UTRN: variants seen among roughly 807,000 people sequenced by gnomAD.
UTRN encodes dystrophin-related protein 1.
UTRN carries 283 observed loss-of-function variants against 463.9 expected under a neutral mutation model. That is an observed-to-expected ratio of 0.61 (90% CI 0.55 to 0.67). UTRN has a LOEUF of 0.67. Among genes scored for constraint, UTRN ranks in the 30% least tolerant of loss-of-function variants. The pLI is 0.00. For synonymous variants in UTRN, 1,442 were observed against 1,431.5 expected, an observed-to-expected ratio of 1.01 and a Z score of -0.17; for missense variants, 3,922 against 4,084.3, an observed-to-expected ratio of 0.96 and a Z score of 1.08.
chr6:144,697,948 C>T (rs1308907174), intron 52 of UTRN, among the ~76,000 whole-genome samples: 1 of 152,148 alleles, frequency 6.6e-6, no homozygotes, highest in African/African-American at 2.4e-5. Context: ...GTTGAAGATG[C>T]AGGATCAAAT....
chr6:144,412,762 T>TACACACACACACAC (rs149751810), intron 3 of UTRN, among the ~76,000 whole-genome samples: 13 of 144,272 alleles, frequency 9.0e-5, no homozygotes, highest in African/African-American at 3.4e-4. Flanking sequence ...ACACACACCA[T>TACACACACACACAC]ACACACACAC....
chr6:144,359,981 A>C, intron 2 of UTRN, among the ~76,000 whole-genome samples: 1 of 151,824 alleles, frequency 6.6e-6, no homozygotes, highest in East Asian at 1.9e-4. Context: ...CCTGTAACAG[A>C]AATGATTGCC....
chr6:144,659,931 G>A (rs549713029), intron 51 of UTRN: 1 of 260,434 alleles, frequency 3.8e-6, no homozygotes, highest in African/African-American at 2.2e-5. Context: ...ACTTCCCAGA[G>A]AAAGAGGAGA....
intron 2 of UTRN, among the ~76,000 whole-genome samples, chr6:144,376,541 C>T (rs1468760967): frequency 2.0e-5 from 3 of 152,094 alleles, no homozygotes; most frequent in Non-Finnish European, 2.9e-5. Context: ...AGCAATCCGC[C>T]CTCCTCGGCC....
At chr6:144,743,630 T>C (rs1790349518) in intron 54 of UTRN, among the ~76,000 whole-genome samples, 1 of 152,234 alleles carries the variant, frequency 6.6e-6, no homozygotes, top group African/African-American at 2.4e-5. Flanking sequence ...GCAGGACTGA[T>C]TCCAAATCCT....
chr6:144,640,836 A>G (rs1777689468), intron 51 of UTRN, among the ~76,000 whole-genome samples: 2 of 152,208 alleles, frequency 1.3e-5, no homozygotes, highest in Admixed American at 1.3e-4. Flanking sequence ...TAGTTGAAAT[A>G]GTTTTTAATG....
chr6:144,548,688 T>C lies in UTRN; in HGVS notation c.6644T>C (p.Ile2215Thr), dbSNP rs1798635803. The change falls in exon 47 of 75, where the codon ATT becomes ACT. Residue 2215 changes from isoleucine (I) to threonine (T), a missense_variant. Ile to Thr is a moderately conservative substitution (Grantham distance 89). Around this residue, in one of 3 missense-constraint regions of UTRN, gnomAD observed 2,349 missense variants for 2,303.8 expected, o/e 1.02. Coordinates refer to ENST00000367545, the MANE Select transcript of UTRN (RefSeq NM_007124.3). ...KVVLVSSASD[I>T]PVQSHRTSEI... ...GTGCTAGTATCATCTGCGTCAGATA[T>C]TCCTGTTCAGTCTCATCGTACTTCG... The C allele has an allele frequency of 6.2e-7, 1 of 1,614,094 alleles. No individual in the cohort carries two copies. Among genetic ancestry groups the C allele is most frequent in the African/African-American group, 1.3e-5 (1 of 75,066 alleles).
intron 13 of UTRN, among the ~76,000 whole-genome samples, chr6:144,441,194 A>G (rs1344127653): frequency 6.6e-6 from 1 of 152,210 alleles, no homozygotes; most frequent in Non-Finnish European, 1.5e-5. Context: ...GTCTTAACTC[A>G]TTTCAGCATT....
chr6:144,421,128 T>C lies in UTRN; in HGVS notation c.142-750T>C, dbSNP rs151049789. 7.0e-3 allele frequency among the ~76,000 whole-genome samples: 1,068 copies of C among 152,198 alleles called. 9 individuals are homozygous for C. Among genetic ancestry groups the C allele is most frequent in the African/African-American group, 0.024 (986 of 41,514 alleles). ...TTCAAGCAACTCTCCTGCCTCAGCC[T>C]CCCGAGTAGTTGGGATTGCAGGTGC... On this transcript the variant is annotated intron_variant, in intron 3 of 74. Transcript: ENST00000367545.
intron 51 of UTRN, among the ~76,000 whole-genome samples, chr6:144,598,138 A>G (rs1336250736): frequency 6.6e-6 from 1 of 152,226 alleles, no homozygotes; most frequent in African/African-American, 2.4e-5. Flanking sequence ...ATGAGTGACC[A>G]TGGCCCATGA....
At chr6:144,338,891 G>A (rs1776932678) in intron 2 of UTRN, among the ~76,000 whole-genome samples, 1 of 152,172 alleles carries the variant, frequency 6.6e-6, no homozygotes, top group Admixed American at 6.5e-5. Context: ...AACTCATTTG[G>A]TGTTGAAGCC....
At chr6:144,563,688 G>A (rs542592137) in intron 50 of UTRN, among the ~76,000 whole-genome samples, 88 of 152,122 alleles carry the variant, frequency 5.8e-4, no homozygotes, top group Non-Finnish European at 1.0e-3. Flanking sequence ...TTCTTTGCTA[G>A]GATTTGATTT....
intron 43 of UTRN, among the ~76,000 whole-genome samples, chr6:144,536,974 CT>C (rs1432652961): frequency 6.6e-6 from 1 of 151,806 alleles, no homozygotes; most frequent in East Asian, 1.9e-4. Context: ...TTTTCTATAT[CT>C]CTTTTTGTAA....
chr6:144,696,929 G>T (rs913077331), intron 52 of UTRN, among the ~76,000 whole-genome samples: 2 of 152,166 alleles, frequency 1.3e-5, no homozygotes, highest in South Asian at 4.1e-4. Context: ...GGAGGCTTTT[G>T]CTGATTTAAA....
chr6:144,695,921 A>G (rs1236020681), intron 52 of UTRN, among the ~76,000 whole-genome samples: 1 of 152,198 alleles, frequency 6.6e-6, no homozygotes, highest in African/African-American at 2.4e-5. Context: ...TTAAATATCC[A>G]TTTATCAGCA....
At chr6:144,641,215 A>G (rs563613231) in intron 51 of UTRN, among the ~76,000 whole-genome samples, 7 of 152,290 alleles carry the variant, frequency 4.6e-5, no homozygotes, top group Non-Finnish European at 7.4e-5. Context: ...TAATACATCA[A>G]TCAATACATT....
chr6:144,317,188 C>G (rs1374436140), intron 2 of UTRN, among the ~76,000 whole-genome samples: 2 of 152,118 alleles, frequency 1.3e-5, no homozygotes, highest in African/African-American at 4.8e-5. Flanking sequence ...AAACTCAGAA[C>G]CTCATAAATA....
Position 144,485,377 on chromosome 6 carries a change from T to C in UTRN, c.3688-8T>C. On this transcript the variant is annotated splice_polypyrimidine_tract_variant and splice_region_variant and intron_variant, in intron 27 of 74. Transcript: ENST00000367545. ...TTTTTGTCTAATTTAAAATTTTTCA[T>C]GCTTTAGGAGGTCTGGTCTTGTTGG... 4 of 1,613,764 alleles carry C rather than the reference T, an allele frequency of 2.5e-6. No individual in the cohort carries two copies. The highest frequency in any genetic ancestry group is 3.4e-6 in the Non-Finnish European group (4 of 1,179,886).
chr6:144,684,259 A>G (rs911519393), intron 52 of UTRN, among the ~76,000 whole-genome samples: 2 of 152,082 alleles, frequency 1.3e-5, no homozygotes, highest in African/African-American at 4.8e-5. Context: ...CATGTTGGCC[A>G]GGCTGGTCTC....
Sources: gnomAD v4.1 joint callset for allele counts (sites outside exome capture counted in the v4.1 genomes callset) on GRCh38, gnomAD v4.1.1 for gene constraint, gnomAD v4.1.1 regional missense constraint, MANE v1.5 for transcripts, NCBI Gene and HGNC (gene_info 2026-07-23, HGNC 2026-07-21) for gene names.